SLIT3: variants seen among roughly 807,000 people sequenced by gnomAD.
SLIT3 encodes the protein slit guidance ligand 3.
A neutral mutation model predicts 184.0 loss-of-function variants in SLIT3; 68 were observed. That is an observed-to-expected ratio of 0.37 (90% CI 0.30 to 0.45). The LOEUF (loss-of-function observed/expected upper bound fraction) is 0.45, where lower values mean the gene tolerates loss of function less well. Ranked by LOEUF, SLIT3 falls within the 20% of genes least tolerant of loss-of-function variation. The pLI, the probability that SLIT3 is intolerant of heterozygous loss-of-function variation, is 1.00. For synonymous variants in SLIT3, 831 were observed against 828.6 expected (o/e 1.00, Z -0.05); for missense variants, 1,707 against 2,026.0 (o/e 0.84, Z 3.02).
chr5:169,239,866 A>C (rs1459112964), intron 3 of SLIT3, among the ~76,000 whole-genome samples: 1 of 152,116 alleles, frequency 6.6e-6, no homozygotes, highest in Non-Finnish European at 1.5e-5. Flanking sequence ...TTTAAAATAG[A>C]TACTATACAT....
At chr5:168,883,988 A>T (rs985464900) in intron 4 of SLIT3, among the ~76,000 whole-genome samples, 1 of 152,104 alleles carries the variant, frequency 6.6e-6, no homozygotes, top group Non-Finnish European at 1.5e-5. Context: ...CAGTGCCAGC[A>T]TGTTGCTTTG....
At chr5:168,811,601 A>C (rs1272830929) in intron 8 of SLIT3, among the ~76,000 whole-genome samples, 1 of 152,218 alleles carries the variant, frequency 6.6e-6, no homozygotes, top group Non-Finnish European at 1.5e-5. Context: ...AGATGATCAA[A>C]CACTGTTGTG....
intron 4 of SLIT3, among the ~76,000 whole-genome samples, chr5:168,897,647 T>TGCGCACACACACACACACAC (rs3223457): frequency 4.2e-5 from 6 of 141,412 alleles, no homozygotes; most frequent in South Asian, 4.7e-4. Context: ...CAGGTGCACG[T>TGCGCACACACACACACACAC]ACACACACAC....
chr5:168,929,919 T>C (rs1761938152), intron 4 of SLIT3, among the ~76,000 whole-genome samples: 1 of 152,202 alleles, frequency 6.6e-6, no homozygotes, highest in Non-Finnish European at 1.5e-5. Flanking sequence ...TGGGGTGTCC[T>C]TCCTCGGGGA....
chr5:168,696,187 T>C (rs1582540433), intron 28 of SLIT3, 105 bp downstream of exon 28: 2 of 1,401,768 alleles, frequency 1.4e-6, no homozygotes, highest in East Asian at 4.6e-5. Flanking sequence ...GGTCTTAGTC[T>C]CTGTCCTCAG....
chr5:169,185,929 T>C (rs1011342566), intron 4 of SLIT3, among the ~76,000 whole-genome samples: 1 of 152,228 alleles, frequency 6.6e-6, no homozygotes, highest in Non-Finnish European at 1.5e-5. Flanking sequence ...CTCTGTGACC[T>C]TGGGCAAGCT....
At chr5:168,894,934 G>A (rs1760609337) in intron 4 of SLIT3, among the ~76,000 whole-genome samples, 1 of 151,954 alleles carries the variant, frequency 6.6e-6, no homozygotes. Context: ...TTGGCAGTGA[G>A]GAAGTTCTGA....
chr5:169,178,594 C>G (rs774576900), intron 4 of SLIT3, among the ~76,000 whole-genome samples: 2 of 152,156 alleles, frequency 1.3e-5, no homozygotes, highest in African/African-American at 2.4e-5. Flanking sequence ...CACACACACA[C>G]GATTCTTATT....
intron 16 of SLIT3, among the ~76,000 whole-genome samples, chr5:168,755,792 G>A (rs1321590745): frequency 6.6e-6 from 1 of 152,114 alleles, no homozygotes; most frequent in Non-Finnish European, 1.5e-5. Flanking sequence ...TCCCTCCGAG[G>A]CTGCATGCTG....
At chr5:168,766,096 A>G (rs1755335866) in intron 14 of SLIT3, among the ~76,000 whole-genome samples, 1 of 152,204 alleles carries the variant, frequency 6.6e-6, no homozygotes. Context: ...TTGGGATCAG[A>G]GGCCAGCACC....
At chr5:169,196,151 C>G (rs914706047) in intron 3 of SLIT3, among the ~76,000 whole-genome samples, 2 of 118,772 alleles carry the variant, frequency 1.7e-5, no homozygotes, top group African/African-American at 6.2e-5. Flanking sequence ...GTGTTCCCAT[C>G]ACTAAAGTAG....
intron 4 of SLIT3, among the ~76,000 whole-genome samples, chr5:168,922,046 C>A (rs934402988): frequency 6.6e-6 from 1 of 152,152 alleles, no homozygotes; most frequent in African/African-American, 2.4e-5. Flanking sequence ...GAAATGAACT[C>A]CATTTTACAG....
chr5:168,912,792 C>A (rs570205306), intron 4 of SLIT3, among the ~76,000 whole-genome samples: 60 of 152,250 alleles, frequency 3.9e-4, no homozygotes, highest in African/African-American at 1.3e-3. Context: ...ATCTCCTCCC[C>A]ACATCACCAT....
intron 8 of SLIT3, among the ~76,000 whole-genome samples, chr5:168,809,353 C>T (rs1051618516): frequency 3.3e-5 from 5 of 152,290 alleles, no homozygotes; most frequent in East Asian, 1.9e-4. Flanking sequence ...ACTAACACCA[C>T]CTTTAATTAG....
chr5:168,838,329 C>G (rs1346168641), intron 6 of SLIT3, among the ~76,000 whole-genome samples: 1 of 152,000 alleles, frequency 6.6e-6, no homozygotes, highest in Non-Finnish European at 1.5e-5. Flanking sequence ...GGATGTGCCT[C>G]ATAAAGTTGT....
intron 3 of SLIT3, among the ~76,000 whole-genome samples, chr5:169,223,188 T>C (rs1764675109): frequency 6.6e-6 from 1 of 152,150 alleles, no homozygotes. Flanking sequence ...ACATACCATG[T>C]GCCGGGATGA....
At chr5:169,028,088 C>T (rs1347939536) in intron 4 of SLIT3, among the ~76,000 whole-genome samples, 1 of 152,046 alleles carries the variant, frequency 6.6e-6, no homozygotes. Flanking sequence ...TTTAAGACAC[C>T]CACAAAAGAC....
chr5:169,101,509 C>T (rs1760013663), intron 4 of SLIT3, among the ~76,000 whole-genome samples: 1 of 152,172 alleles, frequency 6.6e-6, no homozygotes, highest in South Asian at 2.1e-4. Context: ...CCATGAGATC[C>T]ATGAATGCTC....
At chr5:169,052,863 G>A (rs1303088037) in intron 4 of SLIT3, among the ~76,000 whole-genome samples, 1 of 152,114 alleles carries the variant, frequency 6.6e-6, no homozygotes, top group African/African-American at 2.4e-5. Context: ...TTTTCCTGGG[G>A]AGCACCCACC....
Sources: allele counts gnomAD v4.1 joint callset (sites outside exome capture counted in the v4.1 genomes callset), GRCh38; gene constraint gnomAD v4.1.1; transcripts MANE v1.5; gene names NCBI Gene and HGNC (gene_info 2026-07-23, HGNC 2026-07-21).